Variants in FBH1 observed in about 807,000 individuals in gnomAD.
The protein encoded by FBH1 is F-box DNA helicase 1, also known as DNA 3'-5' helicase 1.
FBH1 carries 43 observed loss-of-function variants against 115.5 expected under a neutral mutation model. That is an observed-to-expected ratio of 0.37 (90% CI 0.29 to 0.48). The LOEUF (loss-of-function observed/expected upper bound fraction) is 0.48. Among genes scored for constraint, FBH1 ranks in the 20% least tolerant of loss-of-function variants. The pLI is 0.99. For missense variants in FBH1, 1,001 were observed against 1,337.3 expected (o/e 0.75, Z 3.92); for synonymous variants, 524 against 507.8 (o/e 1.03, Z -0.43).
Position 5,906,617 on chromosome 10 carries a change from C to A in FBH1, c.738C>A (p.Ile246=), listed in dbSNP as rs2131922683. 5 of 1,606,882 alleles carry A rather than the reference C, an allele frequency of 3.1e-6. No homozygotes were observed. Among genetic ancestry groups the A allele is most frequent in the Non-Finnish European group, 3.4e-6 (4 of 1,177,382 alleles). Reference sequence around the variant, plus strand: ...TGGTGTGCCACTTGTGGAGGGAGATCATCAGTGACCCGCTGGTGAGTGAGT... The same window carrying A: ...TGGTGTGCCACTTGTGGAGGGAGATAATCAGTGACCCGCTGGTGAGTGAGT... The part of the protein sequence containing the change: ...LSLVCHLWRE[I]ISDPLFIPWK... Residue 246 remains isoleucine (I), a synonymous_variant, in exon 3 of 21, where the codon ATC becomes ATA. Coordinates refer to ENST00000362091, the MANE Select transcript of FBH1 (RefSeq NM_178150.3). This position sits in a 1 kb window ranked among gnomAD's most constrained non-coding sequence, Gnocchi z 7.3.
Position 5,909,447 on chromosome 10 carries a change from C to A in FBH1, c.1020+153C>A. 1.2e-6 allele frequency: 1 copy of A among 866,814 alleles called. No homozygotes were observed. The highest frequency in any genetic ancestry group is 1.7e-6 in the Non-Finnish European group (1 of 591,234). 53.7% of individuals were successfully genotyped at this position (866,814 alleles called of 1,614,324 possible). A position where few individuals can be genotyped will look rare whatever the true frequency, so the allele number is the denominator to read the frequency against. The stretch of plus-strand genomic sequence containing the variant: ...TGAAGCATTCATGTTGTCATTGTCC[C>A]CAGTGGAGAAATAAAAGGCCATATA... On this transcript the variant is annotated intron_variant, in intron 5 of 20. Coordinates refer to ENST00000362091, the MANE Select transcript of FBH1 (RefSeq NM_178150.3). The surrounding 1 kb of genome is among the most constrained non-coding windows in gnomAD (Gnocchi z 4.4).
rs759670436 is a variant in FBH1, at chr10:5,911,328, G to A, written c.1211+200G>A. 3.3e-5 allele frequency among the ~76,000 whole-genome samples: 5 copies of A among 152,194 alleles called. No homozygotes were observed. Among genetic ancestry groups the A allele is most frequent in the Admixed American group, 6.5e-5 (1 of 15,284 alleles). ...AGGCTGGTAAGAGCGCCTTATGAAC[G>A]TGCAGTTCTGAGCGGCTGCGAGATA... On this transcript the variant is annotated intron_variant, in intron 6 of 20. Coordinates refer to ENST00000362091, the MANE Select transcript of FBH1 (RefSeq NM_178150.3). This position sits in a 1 kb window ranked among gnomAD's most constrained non-coding sequence, Gnocchi z 5.4.
At chr10:5,922,296 T>A (rs552435739) in intron 15 of FBH1, among the ~76,000 whole-genome samples, 2 of 152,258 alleles carry the variant, frequency 1.3e-5, no homozygotes, top group Non-Finnish European at 2.9e-5. Context: ...GTATTTCATA[T>A]AATAATTCTC....
intron 15 of FBH1, among the ~76,000 whole-genome samples, chr10:5,922,681 C>T (rs1053233663): frequency 6.6e-6 from 1 of 152,142 alleles, no homozygotes; most frequent in Non-Finnish European, 1.5e-5. Context: ...ATGTGTCCCT[C>T]CCTAAAAGAT....
In FBH1 at chr10:5,911,571, A is replaced by G. The variant is rs1306692410; in HGVS notation, c.1211+443A>G. On this transcript the variant is annotated intron_variant, in intron 6 of 20. Coordinates refer to ENST00000362091, the MANE Select transcript of FBH1 (RefSeq NM_178150.3). This position sits in a 1 kb window ranked among gnomAD's most constrained non-coding sequence, Gnocchi z 5.4. Reference sequence around the variant, plus strand: ...CGGCTGCTGATTCACAGGGGCCCCGATGGTTTCCTCAGCAGGGTGGGGAGT... The same window carrying G: ...CGGCTGCTGATTCACAGGGGCCCCGGTGGTTTCCTCAGCAGGGTGGGGAGT... 6.6e-6 allele frequency among the ~76,000 whole-genome samples: 1 copy of G among 151,948 alleles called. No homozygotes were observed. Among genetic ancestry groups the G allele is most frequent in the Non-Finnish European group, 1.5e-5 (1 of 67,982 alleles).
In FBH1 at chr10:5,908,751, C is replaced by T. The variant is rs1831368265; in HGVS notation, c.754-174C>T. ...CTTCCTGAGTAGCTGGGACTACAGG[C>T]ATGTGCCATCATGCCTGGCTAATTT... On this transcript the variant is annotated intron_variant, in intron 3 of 20. Transcript: ENST00000362091. 2.6e-5 allele frequency among the ~76,000 whole-genome samples: 4 copies of T among 152,232 alleles called. No homozygotes were observed. In the South Asian group the frequency reaches 8.3e-4, roughly 32 times the overall value.
chr10:5,905,899 A>T, intron 2 of FBH1, 138 bp from the exon 3 acceptor site: 1 of 612,884 alleles, frequency 1.6e-6, no homozygotes, highest in East Asian at 2.8e-5. Flanking sequence ...TTATATAATC[A>T]GTTGGCCCAT....
chr10:5,915,531 A>C lies in FBH1; in HGVS notation c.1525A>C (p.Lys509Gln), dbSNP rs529344461. 1.2e-6 allele frequency: 2 copies of C among 1,614,250 alleles called. No homozygotes were observed. Among genetic ancestry groups the C allele is most frequent in the South Asian group, 2.2e-5 (2 of 91,090 alleles). Residue 509 changes from lysine to glutamine, a missense_variant, in exon 9 of 21, where the codon AAA (lysine) becomes CAA (glutamine). This residue lies in a region of FBH1 where 521 missense variants were observed against 811.0 expected (regional missense o/e 0.64). Transcript: ENST00000362091. The surrounding 1 kb of genome is among the most constrained non-coding windows in gnomAD (Gnocchi z 5.2). ...ERVFPSNVICKTFHSMAYGHI... is the reference protein window; with the variant it reads ...ERVFPSNVICQTFHSMAYGHI... ...CGTCTTCCCCAGCAACGTCATCTGC[A>C]AAACCTTCCACTCCATGGCCTACGG...
chr10:5,908,850 A>G, intron 3 of FBH1, 75 bp from the exon 4 acceptor site: 1 of 1,523,352 alleles, frequency 6.6e-7, no homozygotes, highest in Non-Finnish European at 9.0e-7. Context: ...ACCTCAGGCG[A>G]TCTGCCCGCC....
intron 19 of FBH1, 108 bp downstream of exon 19, chr10:5,927,649 T>C: frequency 1.3e-6 from 1 of 799,374 alleles, no homozygotes; most frequent in Non-Finnish European, 2.0e-6. Context: ...AGATCCTGGG[T>C]TGGAAGAGAA....
intron 1 of FBH1, among the ~76,000 whole-genome samples, chr10:5,891,373 A>G (rs2669122): frequency 0.34 from 51,743 of 152,080 alleles, 10,462 homozygotes; most frequent in East Asian, 0.68. Flanking sequence ...CAGCAAAAGA[A>G]AAAAAGGAAG....
chr10:5,903,221 G>GTC, intron 2 of FBH1, 46 bp downstream of exon 2: 1 of 1,474,780 alleles, frequency 6.8e-7, no homozygotes, highest in Non-Finnish European at 9.2e-7. Flanking sequence ...TGTAGTGTGT[G>GTC]GGTCCTTTGA....
chr10:5,894,351 T>C, intron 1 of FBH1: 1 of 1,562,636 alleles, frequency 6.4e-7, no homozygotes. Context: ...TTTAAAAAAA[T>C]GTAATATGGA....
chr10:5,924,672 A>AT lies in FBH1; in HGVS notation c.2596+166dup. 1 of 717,572 alleles carries AT rather than the reference A, an allele frequency of 1.4e-6. No individual in the cohort carries two copies. Among genetic ancestry groups the AT allele is most frequent in the Non-Finnish European group, 2.4e-6 (1 of 413,950 alleles). 44.5% of individuals were successfully genotyped at this position (717,572 alleles called of 1,614,324 possible). ...AATGCCCACCTTCTGGGTTCAAGCA[A>AT]TTATCCTGCCTCAGCCTCGTGAGTA... is the stretch of plus-strand genomic sequence containing the variant. On this transcript the variant is annotated intron_variant, in intron 17 of 20. Transcript: ENST00000362091. The surrounding 1 kb of genome is among the most constrained non-coding windows in gnomAD (Gnocchi z 6.2).
chr10:5,895,117 C>G lies in FBH1; in HGVS notation c.1+4771C>G. The G allele has an allele frequency of 6.2e-7, 1 of 1,614,022 alleles. No homozygotes were observed. Among genetic ancestry groups the G allele is most frequent in the Non-Finnish European group, 8.5e-7 (1 of 1,179,954 alleles). ...ATAATGGGCTACATTGCGCAGGGCC[C>G]CTGGGCCATCTCCACAGGAGATGCC... On this transcript the variant is annotated intron_variant, in intron 1 of 20. Coordinates refer to ENST00000362091, the MANE Select transcript of FBH1 (RefSeq NM_178150.3). The surrounding 1 kb of genome is among the most constrained non-coding windows in gnomAD (Gnocchi z 5.0).
rs972743908 is a variant in FBH1 at position 5,921,220 on chromosome 10, G to A, written c.2101-38G>A. On this transcript the variant is annotated intron_variant, in intron 13 of 20. Coordinates refer to ENST00000362091, the MANE Select transcript of FBH1 (RefSeq NM_178150.3). This position sits in a 1 kb window ranked among gnomAD's most constrained non-coding sequence, Gnocchi z 6.4. ...GATGGAAATGCACGGACACACCACA[G>A]GGCGGGCTGCTGACTCCCTCTGTCT... The A allele has an allele frequency of 6.3e-7, 1 of 1,596,348 alleles. No homozygotes were observed. Among genetic ancestry groups the A allele is most frequent in the African/African-American group, 1.3e-5 (1 of 74,540 alleles).
rs1832944381 is a variant in FBH1 at position 5,931,070 on chromosome 10, G to A, written c.2829+3529G>A. Reference sequence around the variant, plus strand: ...GACACCAGGCAAATTTCAACATTTTGTTGTTAAATATAACACAAGTATATA... The same window carrying A: ...GACACCAGGCAAATTTCAACATTTTATTGTTAAATATAACACAAGTATATA... On this transcript the variant is annotated intron_variant, in intron 19 of 20. Transcript: ENST00000362091. The surrounding 1 kb of genome is among the most constrained non-coding windows in gnomAD (Gnocchi z 4.3). 6.6e-6 allele frequency among the ~76,000 whole-genome samples: 1 copy of A among 152,094 alleles called. No homozygotes were observed. The highest frequency in any genetic ancestry group is 2.1e-4 in the South Asian group (1 of 4,822).
In FBH1 at chr10:5,925,716, C is replaced by T. The variant is rs1373618718; in HGVS notation, c.2722+224C>T. ...TCAAGGTGCACCCCTCTGGGGGCTG[C>T]GTGTGGGATGATGATGTTTGTGGCG... On this transcript the variant is annotated intron_variant, in intron 18 of 20. Coordinates refer to ENST00000362091, the MANE Select transcript of FBH1 (RefSeq NM_178150.3). This position sits in a 1 kb window ranked among gnomAD's most constrained non-coding sequence, Gnocchi z 4.6. Among the ~76,000 whole-genome samples the T allele has an allele frequency of 6.6e-6, 1 of 152,154 alleles. No individual in the cohort carries two copies. The highest frequency in any genetic ancestry group is 1.5e-5 in the Non-Finnish European group (1 of 68,024).
At position 5,921,652 on chromosome 10, in the gene FBH1, G is replaced by A. The variant is rs917277710; in HGVS notation, c.2322+83G>A. On this transcript the variant is annotated intron_variant, in intron 15 of 20. Coordinates refer to ENST00000362091, the MANE Select transcript of FBH1 (RefSeq NM_178150.3). The surrounding 1 kb of genome is among the most constrained non-coding windows in gnomAD (Gnocchi z 6.4). Reference sequence around the variant, plus strand: ...CCAATGGAAATGTTCACCTTCCTTGGGATTATCATGCAAGAAAGCATTTGG... The same window carrying A: ...CCAATGGAAATGTTCACCTTCCTTGAGATTATCATGCAAGAAAGCATTTGG... 15 of 1,542,972 alleles carry A rather than the reference G, an allele frequency of 9.7e-6. No individual in the cohort carries two copies. The highest frequency in any genetic ancestry group is 3.5e-6 in the Non-Finnish European group (4 of 1,151,782).
Sources: gnomAD v4.1 joint callset for allele counts (sites outside exome capture counted in the v4.1 genomes callset) on GRCh38, gnomAD v4.1.1 for gene constraint, gnomAD v4.1.1 regional missense constraint, Gnocchi (gnomAD v3.1) non-coding constraint, MANE v1.5 for transcripts, NCBI Gene and HGNC (gene_info 2026-07-23, HGNC 2026-07-21) for gene names.